The following ARHGEF4 variants were observed in gnomAD, a reference collection of about 807,000 sequenced individuals.
ARHGEF4 encodes APC-stimulated guanine nucleotide exchange factor 1.
A neutral mutation model predicts 162.0 loss-of-function variants in ARHGEF4; 119 were observed. The ratio of observed to expected loss-of-function variants is 0.73; its 90% CI spans 0.63 to 0.86. The LOEUF (loss-of-function observed/expected upper bound fraction) is 0.86, where lower values mean the gene tolerates loss of function less well. Among genes scored for constraint, ARHGEF4 ranks in the 40% least tolerant of loss-of-function variants. The probability of loss-of-function intolerance (pLI) is 0.00; values close to 1 mark genes in which losing one functional copy is unlikely to be tolerated. For missense variants in ARHGEF4, 2,488 were observed against 2,456.0 expected (o/e 1.01, Z -0.28); for synonymous variants, 1,014 against 979.9 (o/e 1.03, Z -0.65).
chr2:130,957,772 G>A (rs908163068), intron 4 of ARHGEF4, among the ~76,000 whole-genome samples: 3 of 152,092 alleles, frequency 2.0e-5, no homozygotes, highest in Admixed American at 6.6e-5. Flanking sequence ...CTTTCCCACC[G>A]TGTGAGGATA....
chr2:130,971,398 C>T (rs1191244267), intron 4 of ARHGEF4, among the ~76,000 whole-genome samples: 2 of 152,152 alleles, frequency 1.3e-5, no homozygotes, highest in African/African-American at 4.8e-5. Context: ...CAGTGGCTCA[C>T]GCCTGTAATC....
chr2:130,917,451 C>G lies in ARHGEF4; in HGVS notation c.3505C>G (p.Arg1169Gly), dbSNP rs200874420. 3.9e-6 allele frequency: 6 copies of G among 1,550,444 alleles called. No homozygotes were observed. In the Admixed American group the frequency reaches 9.8e-5, roughly 25 times the overall value. ...GAGCAGGGAAGGAGGCCAGGGTCCG[C>G]GCGGCTTGGGCACAGTGCCCTGGCT... Reference protein sequence around the residue: ...EESREGGQGPRGLGTVPWLRD... With the variant: ...EESREGGQGPGGLGTVPWLRD... The change falls in exon 2 of 14, where the codon CGC becomes GGC. Residue 1169 changes from arginine (R) to glycine (G), a missense_variant. Physicochemically the swap from Arg to Gly is moderately radical, Grantham distance 125. This residue lies in a region of ARHGEF4 where 1,642 missense variants were observed against 1,481.5 expected (regional missense o/e 1.11). Transcript: ENST00000409359.
chr2:131,016,897 G>A (rs942840308), intron 4 of ARHGEF4, among the ~76,000 whole-genome samples: 6 of 152,232 alleles, frequency 3.9e-5, no homozygotes, highest in African/African-American at 1.2e-4. Flanking sequence ...GGTGGGCAGA[G>A]CTACCTGCCT....
At chr2:130,882,018 A>G (rs1679224532) in intron 1 of ARHGEF4, among the ~76,000 whole-genome samples, 1 of 152,144 alleles carries the variant, frequency 6.6e-6, no homozygotes, top group South Asian at 2.1e-4. Context: ...CAGTGTGAAC[A>G]GGACATTGAG....
Position 131,040,094 on chromosome 2 carries a change from G to GAGGCGC in ARHGEF4, c.4387_4392dup (p.Ala1463_Gln1464dup), listed in dbSNP as rs768022171. 3 of 1,610,162 alleles carry GAGGCGC rather than the reference G, an allele frequency of 1.9e-6. No individual in the cohort carries two copies. In the African/African-American group the frequency reaches 4.0e-5, roughly 21 times the overall value. On this transcript the variant is annotated inframe_insertion, in exon 7 of 14. Transcript: ENST00000409359. ...CAGCGGAGCGGAGGACGGCGGGGCG[G>GAGGCGC]AGGCGCAGAGCAGCAAGGACCAGAT...
chr2:130,892,717 G>T (rs1051223931), intron 1 of ARHGEF4, among the ~76,000 whole-genome samples: 2 of 152,116 alleles, frequency 1.3e-5, no homozygotes, highest in African/African-American at 4.8e-5. Context: ...TAGCCCTCCT[G>T]GCCCCCAGCA....
At chr2:131,003,947 TA>T (rs1042811854) in intron 4 of ARHGEF4, among the ~76,000 whole-genome samples, 2 of 152,112 alleles carry the variant, frequency 1.3e-5, no homozygotes, top group African/African-American at 4.8e-5. Context: ...ACAGGACTTT[TA>T]AAAAAATCCT....
chr2:130,895,554 T>G (rs529329348), intron 1 of ARHGEF4, among the ~76,000 whole-genome samples: 1 of 152,348 alleles, frequency 6.6e-6, no homozygotes, highest in African/African-American at 2.4e-5. Context: ...TTTTGGCAAT[T>G]CTCATTGTGG....
At chr2:131,006,010 A>G (rs572830270) in intron 4 of ARHGEF4, among the ~76,000 whole-genome samples, 3 of 152,326 alleles carry the variant, frequency 2.0e-5, no homozygotes, top group Admixed American at 2.0e-4. Flanking sequence ...AAGCAGCCGA[A>G]GAAGCCAGGA....
Position 130,917,213 on chromosome 2 carries a change from C to T in ARHGEF4, c.3267C>T (p.Pro1089=), listed in dbSNP as rs1251635723. ...AAAACCCCGGGACGCCCTGCAGACCCACGAGCCCCAAGCCCCTGAGTCCCA... is the reference window on the plus strand; with the variant it reads ...AAAACCCCGGGACGCCCTGCAGACCTACGAGCCCCAAGCCCCTGAGTCCCA... The part of the protein sequence containing the change: ...AYENPGTPCR[P]TSPKPLSPRP... Residue 1089 remains proline, a synonymous_variant, in exon 2 of 14, where the codon CCC becomes CCT. Coordinates refer to ENST00000409359, the MANE Select transcript of ARHGEF4 (RefSeq NM_001367493.1). 2 of 1,550,386 alleles carry T rather than the reference C, an allele frequency of 1.3e-6. No individual in the cohort carries two copies.
chr2:131,006,561 T>A (rs1688125310), intron 4 of ARHGEF4, among the ~76,000 whole-genome samples: 2 of 152,218 alleles, frequency 1.3e-5, no homozygotes, highest in Admixed American at 6.5e-5. Context: ...ATTCACTAGT[T>A]AGGGAATGGG....
chr2:130,927,931 G>A lies in ARHGEF4; in HGVS notation c.3553-3021G>A, dbSNP rs575540446. Reference sequence around the variant, plus strand: ...CTGTTTTGTTTTTTCATAGCATACTGTTCTTGTTTAATGATTTCAGTGTCT... The same window carrying A: ...CTGTTTTGTTTTTTCATAGCATACTATTCTTGTTTAATGATTTCAGTGTCT... On this transcript the variant is annotated intron_variant, in intron 2 of 13. Coordinates refer to ENST00000409359, the MANE Select transcript of ARHGEF4 (RefSeq NM_001367493.1). Among the ~76,000 whole-genome samples, 3 of 152,240 alleles carry A rather than the reference G, an allele frequency of 2.0e-5. No individual in the cohort carries two copies. In the South Asian group the frequency reaches 6.2e-4, roughly 32 times the overall value.
In ARHGEF4 at chr2:131,028,094, G is replaced by A; in HGVS notation, c.4125+10G>A. 1 of 1,613,328 alleles carries A rather than the reference G, an allele frequency of 6.2e-7. No individual in the cohort carries two copies. Among genetic ancestry groups the A allele is most frequent in the African/African-American group, 1.3e-5 (1 of 75,042 alleles). Reference sequence around the variant, plus strand: ...GCTGGCTATCAATGAGGTAGGGTCAGGGCTGCACGGGCAGAGGGAGGGACA... The same window carrying A: ...GCTGGCTATCAATGAGGTAGGGTCAAGGCTGCACGGGCAGAGGGAGGGACA... On this transcript the variant is annotated intron_variant, in intron 5 of 13. Coordinates refer to ENST00000409359, the MANE Select transcript of ARHGEF4 (RefSeq NM_001367493.1).
chr2:130,936,728 C>G (rs1327537524), intron 3 of ARHGEF4, among the ~76,000 whole-genome samples: 1 of 152,026 alleles, frequency 6.6e-6, no homozygotes, highest in Non-Finnish European at 1.5e-5. Context: ...TGGCTTTCAG[C>G]TATTTTGTTC....
chr2:130,930,229 A>G (rs1343947455), intron 2 of ARHGEF4, among the ~76,000 whole-genome samples: 2 of 152,168 alleles, frequency 1.3e-5, no homozygotes, highest in East Asian at 1.9e-4. Context: ...CAAACAGTAC[A>G]CACAGAGTGC....
chr2:130,930,089 T>A (rs1682541498), intron 2 of ARHGEF4, among the ~76,000 whole-genome samples: 1 of 152,124 alleles, frequency 6.6e-6, no homozygotes, highest in Non-Finnish European at 1.5e-5. Context: ...GAGACGAGGT[T>A]TCACTGTGTT....
intron 4 of ARHGEF4, among the ~76,000 whole-genome samples, chr2:131,012,332 C>G (rs116486281): frequency 0.021 from 3,126 of 152,236 alleles, 47 homozygotes; most frequent in Non-Finnish European, 0.03. Context: ...CTTAGAGTGG[C>G]ACGGGGCAGG....
At chr2:130,853,101 A>C (rs1181004182) in intron 1 of ARHGEF4, among the ~76,000 whole-genome samples, 1 of 152,116 alleles carries the variant, frequency 6.6e-6, no homozygotes, top group Non-Finnish European at 1.5e-5. Context: ...GCTGTTTCTC[A>C]AATGTCCTGC....
chr2:131,011,371 T>C (rs1440447462), intron 4 of ARHGEF4, among the ~76,000 whole-genome samples: 5 of 152,200 alleles, frequency 3.3e-5, no homozygotes, highest in African/African-American at 1.2e-4. Context: ...GGGATAAAAG[T>C]AGCCTTTAGC....
Sources: gnomAD v4.1 joint callset for allele counts (sites outside exome capture counted in the v4.1 genomes callset) on GRCh38, gnomAD v4.1.1 for gene constraint, gnomAD v4.1.1 regional missense constraint, MANE v1.5 for transcripts, NCBI Gene and HGNC (gene_info 2026-07-23, HGNC 2026-07-21) for gene names.